PIBF1: variants seen among roughly 807,000 people sequenced by gnomAD.
PIBF1 encodes the protein progesterone immunomodulatory binding factor 1.
In PIBF1, 90 loss-of-function variants were observed where a neutral mutation model predicts 112.5. The ratio of observed to expected loss-of-function variants is 0.80; its 90% confidence interval spans 0.67 to 0.95. The LOEUF (loss-of-function observed/expected upper bound fraction) is 0.95. Ranked by LOEUF, PIBF1 falls within the 40% of genes least tolerant of loss-of-function variation. PIBF1 has a pLI of 0.00. For synonymous variants in PIBF1, 301 were observed against 288.6 expected (o/e 1.04, Z -0.44); for missense variants, 915 against 852.3 (o/e 1.07, Z -0.92).
At chr13:73,013,653 C>G in intron 17 of PIBF1, among the ~76,000 whole-genome samples, 1 of 148,934 alleles carries the variant, frequency 6.7e-6, no homozygotes, top group African/African-American at 2.5e-5. Flanking sequence ...AGGACTATCA[C>G]TTGAGCCCGA....
intron 14 of PIBF1, among the ~76,000 whole-genome samples, chr13:72,964,856 G>A (rs576601452): frequency 2.6e-5 from 4 of 152,276 alleles, no homozygotes; most frequent in African/African-American, 9.6e-5. Flanking sequence ...GAGGTCAGGA[G>A]TTCAAGACCA....
intron 10 of PIBF1, among the ~76,000 whole-genome samples, chr13:72,857,523 A>T (rs964848541): frequency 2.0e-5 from 3 of 152,238 alleles, no homozygotes; most frequent in African/African-American, 7.2e-5. Context: ...CAATAAGTCA[A>T]CATTAAATTC....
intron 6 of PIBF1, among the ~76,000 whole-genome samples, chr13:72,826,198 T>C (rs1196551651): frequency 6.6e-6 from 1 of 152,142 alleles, no homozygotes; most frequent in Non-Finnish European, 1.5e-5. Context: ...ATAGTAATAC[T>C]GATAGTCATC....
chr13:72,976,499 A>G (rs2043026100), intron 16 of PIBF1, among the ~76,000 whole-genome samples: 1 of 152,204 alleles, frequency 6.6e-6, no homozygotes, highest in Non-Finnish European at 1.5e-5. Context: ...GTATATCTTT[A>G]TTTTGGCAAG....
At chr13:72,976,689 G>T (rs2043030344) in intron 16 of PIBF1, among the ~76,000 whole-genome samples, 1 of 151,874 alleles carries the variant, frequency 6.6e-6, no homozygotes, top group Admixed American at 6.6e-5. Flanking sequence ...ACATGCAAAG[G>T]CCTCCGCAAA....
intron 13 of PIBF1, among the ~76,000 whole-genome samples, chr13:72,922,881 C>T (rs1290380527): frequency 1.3e-5 from 2 of 152,094 alleles, no homozygotes; most frequent in Non-Finnish European, 2.9e-5. Flanking sequence ...AAGAAACTAG[C>T]GACAGTCTCA....
At chr13:72,890,714 G>A (rs1480641043) in intron 10 of PIBF1, among the ~76,000 whole-genome samples, 3 of 152,110 alleles carry the variant, frequency 2.0e-5, no homozygotes, top group Non-Finnish European at 2.9e-5. Flanking sequence ...TTGAGAGTAC[G>A]AGATGAGAAG....
At chr13:72,994,477 C>G (rs547146861) in intron 16 of PIBF1, among the ~76,000 whole-genome samples, 1 of 152,180 alleles carries the variant, frequency 6.6e-6, no homozygotes, top group African/African-American at 2.4e-5. Flanking sequence ...TCCAGTCAAA[C>G]TTAGTACTTA....
chr13:72,983,192 C>T (rs968780692), intron 16 of PIBF1, among the ~76,000 whole-genome samples: 4 of 151,948 alleles, frequency 2.6e-5, no homozygotes, highest in East Asian at 1.9e-4. Flanking sequence ...ACCAGCTACT[C>T]GGTTGGCTGT....
chr13:72,961,094 T>C (rs1296727118), intron 14 of PIBF1, among the ~76,000 whole-genome samples: 3 of 151,712 alleles, frequency 2.0e-5, no homozygotes, highest in Non-Finnish European at 4.4e-5. Flanking sequence ...TTAATATAAC[T>C]ATCAGAAAAT....
At chr13:72,891,310 A>G (rs888990785) in intron 10 of PIBF1, among the ~76,000 whole-genome samples, 25 of 152,124 alleles carry the variant, frequency 1.6e-4, no homozygotes, top group Non-Finnish European at 1.2e-4. Flanking sequence ...TTAAAGATCA[A>G]TATCACATTC....
intron 4 of PIBF1, among the ~76,000 whole-genome samples, chr13:72,796,622 A>G (rs550219955): frequency 8.4e-4 from 127 of 151,322 alleles, no homozygotes; most frequent in African/African-American, 3.0e-3. Flanking sequence ...GATGTCTGAT[A>G]AAATGAAGTT....
chr13:72,851,782 A>C (rs1397637733), intron 9 of PIBF1, among the ~76,000 whole-genome samples: 8 of 152,278 alleles, frequency 5.3e-5, no homozygotes. Flanking sequence ...TCCCCACTGA[A>C]GCCCACAAAA....
chr13:72,947,657 C>T (rs940980047), intron 14 of PIBF1, among the ~76,000 whole-genome samples: 13 of 152,106 alleles, frequency 8.5e-5, no homozygotes, highest in Non-Finnish European at 5.9e-5. Context: ...ATTAGTTCAA[C>T]CATTGTGGAA....
At chr13:72,905,794 G>A (rs1446999992) in intron 11 of PIBF1, among the ~76,000 whole-genome samples, 1 of 152,136 alleles carries the variant, frequency 6.6e-6, no homozygotes, top group African/African-American at 2.4e-5. Context: ...CAGGTGACTA[G>A]TAATTATTAT....
chr13:72,921,472 G>A (rs888913374), intron 13 of PIBF1, among the ~76,000 whole-genome samples: 4 of 151,602 alleles, frequency 2.6e-5, no homozygotes, highest in Non-Finnish European at 4.4e-5. Context: ...ATAACCACTC[G>A]GAAATGTATA....
chr13:72,948,207 C>T lies in PIBF1; in HGVS notation c.1833+16940C>T, dbSNP rs180907676. Among the ~76,000 whole-genome samples the T allele has an allele frequency of 1.6e-4, 25 of 151,938 alleles. No homozygotes were observed. The East Asian group carries it at 3.9e-3, about 24-fold the overall frequency. On this transcript the variant is annotated intron_variant, in intron 14 of 17. Coordinates refer to ENST00000326291, the MANE Select transcript of PIBF1 (RefSeq NM_006346.4). ...ACCTGCACGTTCTGCACATGTATCC[C>T]AAAACTGAAAGTATAATTTAAAAAA...
chr13:72,784,880 G>T (rs9543119), intron 2 of PIBF1, among the ~76,000 whole-genome samples: 16,744 of 151,904 alleles, frequency 0.11, 1,260 homozygotes, highest in Non-Finnish European at 0.17. Flanking sequence ...GTTGTTTTTT[G>T]TTGTTGTTGT....
intron 9 of PIBF1, among the ~76,000 whole-genome samples, chr13:72,837,525 CAG>C (rs2037414859): frequency 6.6e-6 from 1 of 151,954 alleles, no homozygotes; most frequent in African/African-American, 2.4e-5. Context: ...TATAAAATAA[CAG>C]ATGTTAAGAG....
Sources: gnomAD v4.1 joint callset for allele counts (sites outside exome capture counted in the v4.1 genomes callset) on GRCh38, gnomAD v4.1.1 for gene constraint, MANE v1.5 for transcripts, NCBI Gene and HGNC (gene_info 2026-07-23, HGNC 2026-07-21) for gene names.